NKAIN2: variants seen among roughly 807,000 people sequenced by gnomAD.
The protein encoded by NKAIN2 is sodium/potassium transporting ATPase interacting 2.
NKAIN2 carries 14 observed loss-of-function variants against 32.6 expected under a neutral mutation model. The ratio of observed to expected loss-of-function variants is 0.43; its 90% CI spans 0.28 to 0.67. The LOEUF (loss-of-function observed/expected upper bound fraction) is 0.67. NKAIN2 is among the 30% of genes least tolerant of loss of function. The pLI is 0.17. For synonymous variants in NKAIN2, 80 were observed against 87.2 expected, an observed-to-expected ratio of 0.92 and a Z score of 0.46; for missense variants, 198 against 258.3, an observed-to-expected ratio of 0.77 and a Z score of 1.60.
At chr6:124,334,411 A>G (rs1797784348) in intron 2 of NKAIN2, among the ~76,000 whole-genome samples, 1 of 152,198 alleles carries the variant, frequency 6.6e-6, no homozygotes, top group Non-Finnish European at 1.5e-5. Flanking sequence ...GAGTTTTGTT[A>G]TTACTCAAAT....
chr6:124,569,950 C>A (rs1781062811), intron 3 of NKAIN2, among the ~76,000 whole-genome samples: 1 of 152,092 alleles, frequency 6.6e-6, no homozygotes, highest in Admixed American at 6.6e-5. Flanking sequence ...TGGCTTTGCC[C>A]AAAATGCTGA....
chr6:124,148,995 G>A (rs1320034376), intron 1 of NKAIN2, among the ~76,000 whole-genome samples: 2 of 151,940 alleles, frequency 1.3e-5, no homozygotes, highest in African/African-American at 4.8e-5. Context: ...TTTTATTATA[G>A]CCAAACTAGT....
At chr6:124,218,475 G>A (rs1293629111) in intron 1 of NKAIN2, among the ~76,000 whole-genome samples, 4 of 152,058 alleles carry the variant, frequency 2.6e-5, no homozygotes, top group Non-Finnish European at 5.9e-5. Flanking sequence ...AACATTTCTT[G>A]ATTCTTAATA....
chr6:124,010,615 C>T (rs1380712673), intron 1 of NKAIN2, among the ~76,000 whole-genome samples: 1 of 150,990 alleles, frequency 6.6e-6, no homozygotes, highest in African/African-American at 2.4e-5. Context: ...AGTACTTAAC[C>T]TTTCTTTACT....
At chr6:124,802,693 A>G (rs951375740) in intron 5 of NKAIN2, among the ~76,000 whole-genome samples, 1 of 152,184 alleles carries the variant, frequency 6.6e-6, no homozygotes, top group African/African-American at 2.4e-5. Flanking sequence ...TGGTGGAAAG[A>G]GGCTTCTCTA....
chr6:124,014,645 A>T (rs951837038), intron 1 of NKAIN2, among the ~76,000 whole-genome samples: 1 of 151,906 alleles, frequency 6.6e-6, no homozygotes, highest in African/African-American at 2.4e-5. Flanking sequence ...TTTTTACCTA[A>T]TTAAAAATAT....
intron 1 of NKAIN2, among the ~76,000 whole-genome samples, chr6:123,831,477 C>T (rs1037358227): frequency 4.7e-5 from 7 of 148,598 alleles, no homozygotes; most frequent in Non-Finnish European, 8.9e-5. Context: ...AAGATAGCCA[C>T]ACTGGTTTTT....
rs181000945 is a variant in NKAIN2, at chr6:124,288,837, T to A, written c.192+5695T>A. Among the ~76,000 whole-genome samples, 445 of 152,274 alleles carry A rather than the reference T, an allele frequency of 2.9e-3. 2 individuals carry two copies. The highest frequency in any genetic ancestry group is 0.01 in the African/African-American group (431 of 41,586). ...AAACATATTGGAAATACAAAAGACC[T>A]AGGAAACACCAATATAGACATACAT... On this transcript the variant is annotated intron_variant, in intron 2 of 6. Coordinates refer to ENST00000368417, the MANE Select transcript of NKAIN2 (RefSeq NM_001040214.3).
At chr6:124,657,760 T>C (rs908172863) in intron 3 of NKAIN2, among the ~76,000 whole-genome samples, 2 of 151,776 alleles carry the variant, frequency 1.3e-5, no homozygotes, top group African/African-American at 2.4e-5. Flanking sequence ...AGCTTTAAGA[T>C]TTAAAATGTG....
chr6:123,969,502 G>A (rs754112975), intron 1 of NKAIN2, among the ~76,000 whole-genome samples: 51 of 152,294 alleles, frequency 3.3e-4, no homozygotes, highest in Non-Finnish European at 6.8e-4. Flanking sequence ...TGAAGGGACC[G>A]TTGCACTAGC....
chr6:123,891,557 C>T (rs1399611071), intron 1 of NKAIN2, among the ~76,000 whole-genome samples: 1 of 152,130 alleles, frequency 6.6e-6, no homozygotes, highest in East Asian at 1.9e-4. Context: ...TTCCAAAGAC[C>T]AGTGCCCAAA....
chr6:124,261,878 A>AAT (rs1197143225), intron 1 of NKAIN2, among the ~76,000 whole-genome samples: 1 of 151,890 alleles, frequency 6.6e-6, no homozygotes, highest in Non-Finnish European at 1.5e-5. Context: ...AAAAAAAAAA[A>AAT]AAAATTTTGA....
chr6:124,547,018 G>T (rs915561572), intron 3 of NKAIN2, among the ~76,000 whole-genome samples: 21 of 151,986 alleles, frequency 1.4e-4, no homozygotes, highest in African/African-American at 4.8e-4. Context: ...TCAGTACACA[G>T]AATAGCTGAA....
intron 1 of NKAIN2, among the ~76,000 whole-genome samples, chr6:123,843,886 T>G (rs1484232418): frequency 3.3e-5 from 5 of 152,248 alleles, no homozygotes; most frequent in African/African-American, 1.2e-4. Context: ...CTAAGAAGAA[T>G]AGGTGATAGC....
intron 3 of NKAIN2, among the ~76,000 whole-genome samples, chr6:124,464,547 T>C (rs184171135): frequency 1.3e-5 from 2 of 152,202 alleles, no homozygotes; most frequent in East Asian, 1.9e-4. Context: ...ATTTGCTTAA[T>C]GTTATAGTAT....
chr6:124,155,937 T>C (rs926765657), intron 1 of NKAIN2, among the ~76,000 whole-genome samples: 3 of 143,966 alleles, frequency 2.1e-5, no homozygotes, highest in African/African-American at 7.8e-5. Context: ...AGCCCAGAGA[T>C]GCAAATGCTG....
chr6:124,191,575 G>A (rs1300477924), intron 1 of NKAIN2, among the ~76,000 whole-genome samples: 1 of 152,038 alleles, frequency 6.6e-6, no homozygotes, highest in African/African-American at 2.4e-5. Flanking sequence ...TTCCTTTCCA[G>A]TATTTATGCC....
intron 4 of NKAIN2, among the ~76,000 whole-genome samples, chr6:124,691,493 G>A (rs895017108): frequency 1.3e-5 from 2 of 152,008 alleles, no homozygotes; most frequent in East Asian, 3.9e-4. Context: ...TTCCTCTGCC[G>A]AGAATTCAGG....
At chr6:123,940,177 A>G (rs1014071612) in intron 1 of NKAIN2, among the ~76,000 whole-genome samples, 1 of 151,922 alleles carries the variant, frequency 6.6e-6, no homozygotes, top group Non-Finnish European at 1.5e-5. Context: ...ACAAAATTCC[A>G]GTTTAGTTGG....
Sources: gnomAD v4.1 joint callset for allele counts (sites outside exome capture counted in the v4.1 genomes callset) on GRCh38, gnomAD v4.1.1 for gene constraint, MANE v1.5 for transcripts, NCBI Gene and HGNC (gene_info 2026-07-23, HGNC 2026-07-21) for gene names.